Variants in ATP6V1B1 observed in about 807,000 individuals in gnomAD.
ATP6V1B1 encodes V-type proton ATPase subunit B, kidney isoform.
In ATP6V1B1, 41 loss-of-function variants were observed where a neutral mutation model predicts 62.1. The ratio of observed to expected loss-of-function variants is 0.66; its 90% CI spans 0.51 to 0.86. The LOEUF (loss-of-function observed/expected upper bound fraction) is 0.86, where lower values mean the gene tolerates loss of function less well. Ranked by LOEUF, ATP6V1B1 falls within the 40% of genes least tolerant of loss-of-function variation. The probability of loss-of-function intolerance (pLI) is 0.00; values close to 1 mark genes in which losing one functional copy is unlikely to be tolerated. For synonymous variants in ATP6V1B1, 253 were observed against 273.4 expected, an observed-to-expected ratio of 0.93 and a Z score of 0.74; for missense variants, 651 against 697.5, an observed-to-expected ratio of 0.93 and a Z score of 0.75.
At position 70,935,933 on chromosome 2, in the gene ATP6V1B1, G is replaced by A. The variant is rs1425280473; in HGVS notation, c.-22G>A. 2.5e-6 allele frequency: 4 copies of A among 1,601,000 alleles called. No homozygotes were observed. The highest frequency in any genetic ancestry group is 3.4e-6 in the Non-Finnish European group (4 of 1,169,904). ...CACCAGCAGCAGGCTCAGACACTGG[G>A]CTCCCAGCTGGGGACTGCTCCATGG... On this transcript the variant is annotated 5_prime_UTR_variant, in exon 1 of 14. Transcript: ENST00000234396.
intron 6 of ATP6V1B1, 75 bp downstream of exon 6, chr2:70,960,153 A>G: frequency 6.3e-7 from 1 of 1,595,380 alleles, no homozygotes; most frequent in Admixed American, 1.7e-5. Flanking sequence ...ACCAGTGAGG[A>G]CAGCTCCTGT....
At position 70,964,473 on chromosome 2, in the gene ATP6V1B1, G is replaced by A. The variant is rs573725172; in HGVS notation, c.1179G>A (p.Ser393=). ...CCATCAACGTGCTCCCTTCCCTGTCGCGGCTGATGAAGTCAGCCATTGGGG... is the reference window on the plus strand; with the variant it reads ...CCATCAACGTGCTCCCTTCCCTGTCACGGCTGATGAAGTCAGCCATTGGGG... ...YPPINVLPSL[S]RLMKSAIGEG... is the part of the protein sequence containing the mutation. Residue 393 remains serine (S), a synonymous_variant, in exon 12 of 14, where the codon TCG becomes TCA. Transcript: ENST00000234396. The A allele has an allele frequency of 4.3e-6, 7 of 1,613,996 alleles. No homozygotes were observed. In the African/African-American group the frequency reaches 5.3e-5, roughly 12 times the overall value.
intron 1 of ATP6V1B1, chr2:70,938,699 T>C: frequency 1.0e-6 from 1 of 985,330 alleles, no homozygotes; most frequent in Non-Finnish European, 1.2e-6. Context: ...GTGCCTCCCG[T>C]GGAGCTAGAA....
chr2:70,964,668 C>G (rs886974274), intron 12 of ATP6V1B1, 68 bp from the exon 13 acceptor site: 2 of 1,612,604 alleles, frequency 1.2e-6, no homozygotes, highest in Admixed American at 1.7e-5. Context: ...CCAGTGTGGC[C>G]AGGTTGGGGG....
At position 70,959,343 on chromosome 2, in the gene ATP6V1B1, C is replaced by T. The variant is rs1279105216; in HGVS notation, c.445+248C>T. On this transcript the variant is annotated intron_variant, in intron 5 of 13. Coordinates refer to ENST00000234396, the MANE Select transcript of ATP6V1B1 (RefSeq NM_001692.4). This position sits in a 1 kb window ranked among gnomAD's most constrained non-coding sequence, Gnocchi z 4.2. ...AAGGCCATCATGCCCCTGCCTTTGG[C>T]TTCCTGTCCACAATCCTGAGAATGG... 3.3e-5 allele frequency among the ~76,000 whole-genome samples: 5 copies of T among 152,240 alleles called. No homozygotes were observed. Among genetic ancestry groups the T allele is most frequent in the African/African-American group, 1.2e-4 (5 of 41,462 alleles).
rs189104175 is a variant in ATP6V1B1, at chr2:70,943,630, C to T, written c.119-28C>T. ...TGTGAGCAGGGTGTTTGGGGTGAGACCCCTACTCACCCCCGCCCCTCCCCC... is the reference window on the plus strand; with the variant it reads ...TGTGAGCAGGGTGTTTGGGGTGAGATCCCTACTCACCCCCGCCCCTCCCCC... On this transcript the variant is annotated intron_variant, in intron 1 of 13. Transcript: ENST00000234396. 3.3e-4 allele frequency: 533 copies of T among 1,605,750 alleles called. No individual in the cohort carries two copies. In the African/African-American group the frequency reaches 6.1e-3, roughly 18 times the overall value.
chr2:70,947,915 GA>G (rs142961081), intron 2 of ATP6V1B1, among the ~76,000 whole-genome samples: 2 of 152,282 alleles, frequency 1.3e-5, no homozygotes, highest in East Asian at 3.9e-4. Context: ...CAAGCTCCTG[GA>G]CTAGCTATCC....
chr2:70,944,311 A>T, intron 2 of ATP6V1B1: 1 of 1,033,330 alleles, frequency 9.7e-7, no homozygotes, highest in Non-Finnish European at 1.3e-6. Context: ...CACTGACAGT[A>T]TCTTGAGTCC....
At chr2:70,936,200 C>A in intron 1 of ATP6V1B1, 128 bp downstream of exon 1, 2 of 988,798 alleles carry the variant, frequency 2.0e-6, no homozygotes, top group Non-Finnish European at 3.0e-6. Flanking sequence ...ACCTGGAGGG[C>A]TCTCTGTCCA....
chr2:70,944,671 T>TTC (rs1680103949), intron 2 of ATP6V1B1, among the ~76,000 whole-genome samples: 1 of 145,152 alleles, frequency 6.9e-6, no homozygotes, highest in South Asian at 2.2e-4. Flanking sequence ...GTCTTTTCTT[T>TTC]TTTTTTTTTT....
chr2:70,964,395 C>T, intron 11 of ATP6V1B1, 43 bp from the exon 12 acceptor site: 1 of 1,601,128 alleles, frequency 6.2e-7, no homozygotes, highest in Non-Finnish European at 8.6e-7. Flanking sequence ...GGGAGCAAAG[C>T]TTGAGTCCTG....
intron 1 of ATP6V1B1, among the ~76,000 whole-genome samples, chr2:70,937,426 G>A (rs558463624): frequency 6.6e-6 from 1 of 152,248 alleles, no homozygotes; most frequent in African/African-American, 2.4e-5. Context: ...AAGAAATGGT[G>A]AGAATGGGGT....
chr2:70,941,886 G>A, intron 1 of ATP6V1B1: 1 of 987,012 alleles, frequency 1.0e-6, no homozygotes, highest in Non-Finnish European at 1.2e-6. Flanking sequence ...AGTGCACCCA[G>A]GCTCTGAGTG....
At chr2:70,938,985 G>A (rs1679921111) in intron 1 of ATP6V1B1, among the ~76,000 whole-genome samples, 1 of 152,256 alleles carries the variant, frequency 6.6e-6, no homozygotes. Flanking sequence ...AACAAGCAGG[G>A]TCTTGGGCTG....
Position 70,941,736 on chromosome 2 carries a change from G to A in ATP6V1B1, c.119-1922G>A, listed in dbSNP as rs548218141. On this transcript the variant is annotated intron_variant, in intron 1 of 13. Coordinates refer to ENST00000234396, the MANE Select transcript of ATP6V1B1 (RefSeq NM_001692.4). The stretch of plus-strand genomic sequence containing the variant: ...AAGCAGGGAGGGAAGGAAGAAGGCA[G>A]ATCTCAGAGGAAAGGAGAGGAAGAA... 27 of 985,838 alleles carry A rather than the reference G, an allele frequency of 2.7e-5. No homozygotes were observed. In the South Asian group the frequency reaches 1.2e-3, roughly 43 times the overall value. 61.1% of individuals were successfully genotyped at this position (985,838 alleles called of 1,614,324 possible). A position where few individuals can be genotyped will look rare whatever the true frequency, so the allele number is the denominator to read the frequency against.
chr2:70,961,874 G>A (rs1227346981), intron 8 of ATP6V1B1, 181 bp downstream of exon 8: 1 of 664,820 alleles, frequency 1.5e-6, no homozygotes, highest in African/African-American at 1.8e-5. Context: ...AAACTCACAG[G>A]CAGAGGGAGC....
chr2:70,935,982 G>A lies in ATP6V1B1; in HGVS notation c.28G>A (p.Gly10Arg). Residue 10 changes from glycine (G) to arginine (R), a missense_variant, in exon 1 of 14, where the codon GGG (glycine) becomes AGG (arginine). By Grantham distance (125) the Gly-to-Arg change is moderately radical (BLOSUM62 -2). Coordinates refer to ENST00000234396, the MANE Select transcript of ATP6V1B1 (RefSeq NM_001692.4). ...GGCCATGGAGATAGACAGCAGGCCT[G>A]GGGGGCTCCCCGGCAGTAGCTGCAA... MAMEIDSRP[G>R]GLPGSSCNLG... 1 of 1,613,240 alleles carries A rather than the reference G, an allele frequency of 6.2e-7. No individual in the cohort carries two copies. The highest frequency in any genetic ancestry group is 8.5e-7 in the Non-Finnish European group (1 of 1,179,350).
chr2:70,950,011 T>A (rs1553418005), intron 2 of ATP6V1B1, among the ~76,000 whole-genome samples: 7 of 152,078 alleles, frequency 4.6e-5, no homozygotes. Flanking sequence ...TATATTTAAA[T>A]TTTTTTTACA....
chr2:70,958,105 G>A lies in ATP6V1B1; in HGVS notation c.234G>A (p.Gly78=), dbSNP rs782523725. 4.3e-6 allele frequency: 7 copies of A among 1,614,074 alleles called. No homozygotes were observed. The highest frequency in any genetic ancestry group is 2.7e-5 in the African/African-American group (2 of 74,938). ...TCCCAGATGGGACTCAGAGGAGCGG[G>A]CAGGTGCTTGAGGTGGCTGGCACCA... ...FTLPDGTQRS[G]QVLEVAGTKA... is the part of the protein sequence containing the mutation. The change falls in exon 3 of 14, where the codon GGG becomes GGA. Residue 78 remains glycine (G), a synonymous_variant. Transcript: ENST00000234396.
Sources: gnomAD v4.1 joint callset for allele counts (sites outside exome capture counted in the v4.1 genomes callset) on GRCh38, gnomAD v4.1.1 for gene constraint, Gnocchi (gnomAD v3.1) non-coding constraint, MANE v1.5 for transcripts, NCBI Gene and HGNC (gene_info 2026-07-23, HGNC 2026-07-21) for gene names.